Variants in NRXN1 observed in about 807,000 individuals in gnomAD.
NRXN1 encodes the protein neurexin 1.
A neutral mutation model predicts 150.9 loss-of-function variants in NRXN1; 39 were observed. The observed-to-expected ratio is 0.26, with a 90% confidence interval of 0.20 to 0.34. The LOEUF (loss-of-function observed/expected upper bound fraction) is 0.34. Ranked by LOEUF, NRXN1 falls within the 10% of genes least tolerant of loss-of-function variation. The probability of loss-of-function intolerance (pLI) is 1.00; values close to 1 mark genes in which losing one functional copy is unlikely to be tolerated. For missense variants in NRXN1, 1,815 were observed against 1,949.9 expected (o/e 0.93, Z 1.30); for synonymous variants, 924 against 757.0 (o/e 1.22, Z -3.62).
At chr2:50,524,632 G>C (rs921746104) in intron 12 of NRXN1, among the ~76,000 whole-genome samples, 11 of 151,942 alleles carry the variant, frequency 7.2e-5, no homozygotes, top group African/African-American at 2.7e-4. Flanking sequence ...AGAAAACCAA[G>C]AAACACAAAA....
intron 18 of NRXN1, among the ~76,000 whole-genome samples, chr2:50,093,945 C>T (rs77664936): frequency 0.012 from 1,828 of 152,288 alleles, 50 homozygotes; most frequent in African/African-American, 0.042. Flanking sequence ...TTGTGCCATC[C>T]TATAGCTGTA....
At chr2:49,932,572 C>T (rs1234059781) in intron 22 of NRXN1, among the ~76,000 whole-genome samples, 1 of 151,834 alleles carries the variant, frequency 6.6e-6, no homozygotes, top group Non-Finnish European at 1.5e-5. Context: ...TCCAGGAAAC[C>T]TTTAGCAATA....
intron 21 of NRXN1, among the ~76,000 whole-genome samples, chr2:50,038,771 T>TTTCCTTCC (rs562881405): frequency 4.4e-5 from 3 of 67,648 alleles, no homozygotes; most frequent in African/African-American, 1.6e-4. Flanking sequence ...CCCTCCCTCC[T>TTTCCTTCC]TTCCTTCCTT....
At chr2:49,923,254 T>C (rs1572861682) in intron 22 of NRXN1, among the ~76,000 whole-genome samples, 1 of 152,174 alleles carries the variant, frequency 6.6e-6, no homozygotes, top group Non-Finnish European at 1.5e-5. Context: ...TTTTTTGATA[T>C]AAAAGGATAG....
intron 18 of NRXN1, among the ~76,000 whole-genome samples, chr2:50,147,513 C>T (rs908016232): frequency 6.6e-6 from 1 of 151,682 alleles, no homozygotes; most frequent in Non-Finnish European, 1.5e-5. Context: ...CTAGAAAGGA[C>T]AAATGGACAA....
chr2:50,408,091 C>A (rs2082882894), intron 17 of NRXN1, among the ~76,000 whole-genome samples: 1 of 152,036 alleles, frequency 6.6e-6, no homozygotes. Flanking sequence ...ATATGCCCAT[C>A]TTGGAAATCT....
At chr2:50,184,793 G>T (rs1003580881) in intron 18 of NRXN1, among the ~76,000 whole-genome samples, 1 of 151,966 alleles carries the variant, frequency 6.6e-6, no homozygotes, top group African/African-American at 2.4e-5. Context: ...TATTTTACAA[G>T]TATTAACTCC....
intron 19 of NRXN1, among the ~76,000 whole-genome samples, chr2:50,072,510 T>G (rs2152670094): frequency 7.0e-6 from 1 of 142,154 alleles, no homozygotes; most frequent in South Asian, 2.2e-4. Context: ...TTTTTATCCT[T>G]AGGAACTGCC....
chr2:50,307,328 A>G (rs2074717446), intron 17 of NRXN1, among the ~76,000 whole-genome samples: 1 of 152,056 alleles, frequency 6.6e-6, no homozygotes. Flanking sequence ...TATATTTTGA[A>G]AGCTTAGAGA....
intron 18 of NRXN1, among the ~76,000 whole-genome samples, chr2:50,128,536 G>T (rs761292249): frequency 2.1e-4 from 32 of 152,112 alleles, no homozygotes; most frequent in Non-Finnish European, 4.1e-4. Flanking sequence ...AAGAAAATGT[G>T]AATGATATGC....
intron 17 of NRXN1, among the ~76,000 whole-genome samples, chr2:50,343,364 G>A (rs2077692276): frequency 6.6e-6 from 1 of 152,022 alleles, no homozygotes; most frequent in African/African-American, 2.4e-5. Context: ...GAGCACACTG[G>A]TCTATTCTGG....
At chr2:50,659,209 T>A (rs1316980874) in intron 5 of NRXN1, among the ~76,000 whole-genome samples, 1 of 152,046 alleles carries the variant, frequency 6.6e-6, no homozygotes, top group African/African-American at 2.4e-5. Flanking sequence ...TATAAGTATA[T>A]AAGCAATTGT....
rs1575174545 is a variant in NRXN1 at position 50,347,988 on chromosome 2, C to G, written c.3365-111018G>C. On this transcript the variant is annotated intron_variant, in intron 17 of 22. Transcript: ENST00000401669. The surrounding 1 kb of genome is among the most constrained non-coding windows in gnomAD (Gnocchi z 4.9). ...GAACACCTAAAAAGCAACTCTCCCT[C>G]CACCAGGTGATCCCTCCATCTGAAC... Among the ~76,000 whole-genome samples the G allele has an allele frequency of 6.6e-6, 1 of 152,278 alleles. No individual in the cohort carries two copies. The highest frequency in any genetic ancestry group is 2.4e-5 in the African/African-American group (1 of 41,568).
intron 8 of NRXN1, among the ~76,000 whole-genome samples, chr2:50,593,898 T>C (rs991570420): frequency 5.3e-5 from 8 of 152,224 alleles, no homozygotes; most frequent in Non-Finnish European, 1.2e-4. Flanking sequence ...CTTGATACCT[T>C]AGCCTCTGAA....
intron 18 of NRXN1, among the ~76,000 whole-genome samples, chr2:50,113,436 A>G (rs779755270): frequency 2.0e-4 from 30 of 152,180 alleles, no homozygotes; most frequent in Non-Finnish European, 3.8e-4. Flanking sequence ...GAATGAATTA[A>G]TATCTGCTTT....
chr2:50,394,305 G>A (rs1051390616), intron 17 of NRXN1, among the ~76,000 whole-genome samples: 2 of 151,944 alleles, frequency 1.3e-5, no homozygotes, highest in African/African-American at 2.4e-5. Flanking sequence ...TGTCCACTAG[G>A]TATATCAAAA....
chr2:50,068,658 A>G (rs1474708962), intron 19 of NRXN1, among the ~76,000 whole-genome samples: 1 of 152,222 alleles, frequency 6.6e-6, no homozygotes, highest in Non-Finnish European at 1.5e-5. Flanking sequence ...TGCCTGGCAC[A>G]TGGTAAGCAC....
At chr2:50,101,932 C>T (rs1701035948) in intron 18 of NRXN1, among the ~76,000 whole-genome samples, 2 of 151,970 alleles carry the variant, frequency 1.3e-5, no homozygotes, top group Admixed American at 6.6e-5. Flanking sequence ...GCTGACAGTG[C>T]TAACTTTTTT....
chr2:50,645,299 T>C lies in NRXN1; in HGVS notation c.833-21684A>G, dbSNP rs1205868467. ...AGACACATCCCAGAAAATCAGTGTT[T>C]TTCTATAAGCTACATTAAAAGTTTT... On this transcript the variant is annotated intron_variant, in intron 5 of 22. Transcript: ENST00000401669. Among the ~76,000 whole-genome samples, 3 of 152,056 alleles carry C rather than the reference T, an allele frequency of 2.0e-5. No homozygotes were observed. In the East Asian group the frequency reaches 5.8e-4, roughly 29 times the overall value.
Sources: gnomAD v4.1 joint callset for allele counts (sites outside exome capture counted in the v4.1 genomes callset) on GRCh38, gnomAD v4.1.1 for gene constraint, Gnocchi (gnomAD v3.1) non-coding constraint, MANE v1.5 for transcripts, NCBI Gene and HGNC (gene_info 2026-07-23, HGNC 2026-07-21) for gene names.